ACTR3C: variants seen among roughly 807,000 people sequenced by gnomAD.
ACTR3C encodes actin-related protein 3C.
In ACTR3C, 18 loss-of-function variants were observed where a neutral mutation model predicts 26.3. That is an observed-to-expected ratio of 0.68 (90% CI 0.47 to 1.01). The LOEUF (loss-of-function observed/expected upper bound fraction) is 1.01. ACTR3C is among the 50% of genes least tolerant of loss of function. The pLI is 0.00. For synonymous variants in ACTR3C, 55 were observed against 94.5 expected, an observed-to-expected ratio of 0.58 and a Z score of 2.42; for missense variants, 184 against 250.7, an observed-to-expected ratio of 0.73 and a Z score of 1.80.
At chr7:150,176,881 T>G in the ACTR3C span, among the ~76,000 whole-genome samples, 24,444 of 150,424 alleles carry the variant, frequency 0.16, 4,352 homozygotes, top group African/African-American at 0.39. Flanking sequence ...ATAGCACAAT[T>G]ACAGAAATTT....
At chr7:150,203,395 A>G in the ACTR3C span, among the ~76,000 whole-genome samples, 1 of 152,188 alleles carries the variant, frequency 6.6e-6, no homozygotes, top group African/African-American at 2.4e-5. Flanking sequence ...TTTTAGGTAA[A>G]ATAAAGTATC....
chr7:149,977,666 G>A, the ACTR3C span, among the ~76,000 whole-genome samples: 2 of 152,106 alleles, frequency 1.3e-5, no homozygotes, highest in African/African-American at 4.8e-5. Flanking sequence ...GCTCTAGCTC[G>A]GAACCATATG....
At chr7:150,014,368 AT>A in the ACTR3C span, among the ~76,000 whole-genome samples, 3,748 of 151,446 alleles carry the variant, frequency 0.025, 72 homozygotes, top group Non-Finnish European at 0.039. Context: ...AGGCAGGAGA[AT>A]GGTGTGAACC....
chr7:149,907,491 T>TCTCTCTCC, the ACTR3C span, among the ~76,000 whole-genome samples: 22 of 148,382 alleles, frequency 1.5e-4, no homozygotes, highest in African/African-American at 5.0e-4. Flanking sequence ...TCTCTCTCTC[T>TCTCTCTCC]CTCTCTCTCT....
At chr7:149,962,285 G>T in the ACTR3C span, among the ~76,000 whole-genome samples, 16 of 152,240 alleles carry the variant, frequency 1.1e-4, no homozygotes, top group South Asian at 3.3e-3. Flanking sequence ...CTCAAAGGAA[G>T]TATACACTTA....
the ACTR3C span, among the ~76,000 whole-genome samples, chr7:149,968,137 C>T: frequency 6.6e-6 from 1 of 152,260 alleles, no homozygotes. Context: ...CCAGCAGTAA[C>T]AATCAGATTT....
chr7:150,042,089 T>C, the ACTR3C span, among the ~76,000 whole-genome samples: 180 of 33,324 alleles, frequency 5.4e-3, 4 homozygotes, highest in East Asian at 8.2e-3. Flanking sequence ...TCTCAGTCCC[T>C]GCCTCGCGGG....
chr7:150,241,476 C>T (rs992127174), downstream of ACTR3C, among the ~76,000 whole-genome samples: 17 of 152,124 alleles, frequency 1.1e-4, no homozygotes, highest in African/African-American at 3.9e-4. Context: ...AACACTAAGC[C>T]TTCATTCATA....
chr7:150,167,942 T>A, the ACTR3C span, among the ~76,000 whole-genome samples: 1 of 150,728 alleles, frequency 6.6e-6, no homozygotes, highest in Admixed American at 6.6e-5. Context: ...ACGAGTTCCA[T>A]AAAAAATATA....
the ACTR3C span, among the ~76,000 whole-genome samples, chr7:150,034,716 C>T: frequency 2.6e-5 from 4 of 151,586 alleles, no homozygotes; most frequent in Admixed American, 2.0e-4. Context: ...ACACCTAATA[C>T]CCACAGTCCT....
intron 1 of ACTR3C, among the ~76,000 whole-genome samples, chr7:150,313,692 A>G (rs1796533454): frequency 6.6e-6 from 1 of 152,140 alleles, no homozygotes. Context: ...GTGTGCATTC[A>G]GATGGTTGGA....
At chr7:150,103,871 A>T in the ACTR3C span, among the ~76,000 whole-genome samples, 2 of 152,102 alleles carry the variant, frequency 1.3e-5, no homozygotes, top group East Asian at 3.9e-4. Context: ...TCACCATATC[A>T]ACCACTCTGA....
At chr7:150,117,673 A>T in the ACTR3C span, among the ~76,000 whole-genome samples, 1 of 152,256 alleles carries the variant, frequency 6.6e-6, no homozygotes, top group African/African-American at 2.4e-5. Flanking sequence ...AGAATTAAAC[A>T]TTCCTGCCTG....
chr7:149,942,456 C>CA, the ACTR3C span, among the ~76,000 whole-genome samples: 1 of 152,192 alleles, frequency 6.6e-6, no homozygotes, highest in Non-Finnish European at 1.5e-5. Context: ...TTACTGAAAG[C>CA]ATCAGTTTGC....
the ACTR3C span, among the ~76,000 whole-genome samples, chr7:149,910,398 C>T: frequency 6.6e-6 from 1 of 152,024 alleles, no homozygotes; most frequent in Non-Finnish European, 1.5e-5. Flanking sequence ...AAAGTCTTAA[C>T]TAAAACAAAT....
the ACTR3C span, among the ~76,000 whole-genome samples, chr7:149,966,920 G>A: frequency 6.6e-6 from 1 of 151,482 alleles, no homozygotes; most frequent in East Asian, 1.9e-4. Context: ...GGAGTGCAAT[G>A]GCGTGATCTC....
chr7:149,909,860 G>A, the ACTR3C span, among the ~76,000 whole-genome samples: 9 of 149,084 alleles, frequency 6.0e-5, no homozygotes, highest in South Asian at 1.7e-3. Context: ...TGATCACTGA[G>A]AATCAAACAC....
downstream of ACTR3C, among the ~76,000 whole-genome samples, chr7:150,241,357 G>A (rs1380163878): frequency 6.6e-6 from 1 of 152,140 alleles, no homozygotes; most frequent in Non-Finnish European, 1.5e-5. Context: ...TCATTTTCAA[G>A]AGATTTGTCG....
the ACTR3C span, among the ~76,000 whole-genome samples, chr7:150,182,367 G>A: frequency 3.3e-5 from 5 of 150,688 alleles, no homozygotes; most frequent in South Asian, 2.1e-4. Flanking sequence ...ATAATTAAGG[G>A]TGCTTATTCA....
Sources: allele counts gnomAD v4.1 joint callset (sites outside exome capture counted in the v4.1 genomes callset), GRCh38; gene constraint gnomAD v4.1.1; transcripts MANE v1.5; gene names NCBI Gene and HGNC (gene_info 2026-07-23, HGNC 2026-07-21).